The following CDH20 variants were observed in gnomAD, a reference collection of about 807,000 sequenced individuals.
CDH20 encodes the protein cadherin 20.
A neutral mutation model predicts 74.2 loss-of-function variants in CDH20; 29 were observed. The observed-to-expected ratio is 0.39, with a 90% CI of 0.29 to 0.53. The LOEUF is 0.53. CDH20 is among the 20% of genes least tolerant of loss of function. The probability of loss-of-function intolerance (pLI) is 0.69; values close to 1 mark genes in which losing one functional copy is unlikely to be tolerated. For missense variants in CDH20, 988 were observed against 1,048.3 expected (o/e 0.94, Z 0.79); for synonymous variants, 469 against 405.4 (o/e 1.16, Z -1.88).
At chr18:61,336,848 C>A (rs1469992981) in intron 1 of CDH20, among the ~76,000 whole-genome samples, 1 of 150,644 alleles carries the variant, frequency 6.6e-6, no homozygotes, top group African/African-American at 2.4e-5. Context: ...GGTCTTTTCA[C>A]CCTAAAAAAA....
chr18:61,455,458 G>T (rs1238164511), intron 1 of CDH20, among the ~76,000 whole-genome samples: 1 of 152,146 alleles, frequency 6.6e-6, no homozygotes, highest in Admixed American at 6.5e-5. Flanking sequence ...TTTTTAATAT[G>T]AATATGCAAA....
chr18:61,336,118 T>G (rs894597256), intron 1 of CDH20, among the ~76,000 whole-genome samples: 4 of 152,172 alleles, frequency 2.6e-5, no homozygotes, highest in African/African-American at 9.7e-5. Context: ...GTTCAGAGAC[T>G]GGAATCGGAA....
Position 61,529,713 on chromosome 18 carries a change from T to C in CDH20, c.1271+1493T>C, listed in dbSNP as rs544555011. ...ATATATGTATTAATCCACCATAGGC[T>C]AATTAATCTATTCCTGTAACAAAAG... On this transcript the variant is annotated intron_variant, in intron 7 of 11. Coordinates refer to ENST00000262717, the MANE Select transcript of CDH20 (RefSeq NM_031891.4). Among the ~76,000 whole-genome samples, 11 of 152,326 alleles carry C rather than the reference T, an allele frequency of 7.2e-5. No homozygotes were observed. The South Asian group carries it at 2.3e-3, about 32-fold the overall frequency.
chr18:61,545,167 A>G (rs1366613143), intron 10 of CDH20, 23 bp downstream of exon 10: 2 of 1,494,600 alleles, frequency 1.3e-6, no homozygotes, highest in South Asian at 1.1e-5. Context: ...ATGGTTGGCT[A>G]TCTGTGCTTT....
At chr18:61,520,070 A>G (rs1912141460) in intron 6 of CDH20, among the ~76,000 whole-genome samples, 1 of 150,628 alleles carries the variant, frequency 6.6e-6, no homozygotes, top group Non-Finnish European at 1.5e-5. Flanking sequence ...TAATCCCAGC[A>G]CTTTGGGAGG....
intron 1 of CDH20, among the ~76,000 whole-genome samples, chr18:61,411,936 C>T (rs1013598003): frequency 5.9e-5 from 9 of 151,808 alleles, no homozygotes; most frequent in African/African-American, 1.5e-4. Context: ...CAAAATCTCA[C>T]GAATCACCAC....
intron 1 of CDH20, among the ~76,000 whole-genome samples, chr18:61,449,336 G>A (rs985146009): frequency 3.9e-5 from 6 of 152,114 alleles, no homozygotes; most frequent in Admixed American, 1.3e-4. Context: ...CTATTCACCT[G>A]TAACTTGAAC....
chr18:61,380,907 G>A (rs982062384), intron 1 of CDH20, among the ~76,000 whole-genome samples: 6 of 152,064 alleles, frequency 3.9e-5, no homozygotes, highest in African/African-American at 1.2e-4. Context: ...TAATATAAAC[G>A]GCTTCTGATT....
chr18:61,507,860 T>C (rs1256542971), intron 6 of CDH20, among the ~76,000 whole-genome samples: 1 of 152,196 alleles, frequency 6.6e-6, no homozygotes, highest in Non-Finnish European at 1.5e-5. Flanking sequence ...AGCTTAACTT[T>C]CTAATGATGT....
intron 6 of CDH20, among the ~76,000 whole-genome samples, chr18:61,525,399 G>T (rs1912358938): frequency 6.6e-6 from 1 of 152,024 alleles, no homozygotes; most frequent in Non-Finnish European, 1.5e-5. Context: ...AATACATAAA[G>T]AATTTTAAGA....
At chr18:61,471,921 A>G (rs573560075) in intron 1 of CDH20, among the ~76,000 whole-genome samples, 15 of 152,124 alleles carry the variant, frequency 9.9e-5, no homozygotes, top group Non-Finnish European at 1.8e-4. Flanking sequence ...TAGCCTTCCC[A>G]TTATCTTTTG....
rs116760083 is a variant in CDH20 at position 61,542,941 on chromosome 18, C to T, written c.1531-2086C>T. Reference sequence around the variant, plus strand: ...TGCACCAAAACATTCATGAGGGATCCACCTGGATGACCCCAACACCTCCCA... The same window carrying T: ...TGCACCAAAACATTCATGAGGGATCTACCTGGATGACCCCAACACCTCCCA... On this transcript the variant is annotated intron_variant, in intron 9 of 11. Transcript: ENST00000262717. Among the ~76,000 whole-genome samples, 1,207 of 152,292 alleles carry T rather than the reference C, an allele frequency of 7.9e-3. 21 individuals carry two copies. The highest frequency in any genetic ancestry group is 0.027 in the African/African-American group (1,122 of 41,566).
chr18:61,522,006 C>A (rs1240754484), intron 6 of CDH20, among the ~76,000 whole-genome samples: 3 of 152,144 alleles, frequency 2.0e-5, no homozygotes, highest in African/African-American at 7.2e-5. Flanking sequence ...TGAAAACTGG[C>A]CCACGACAAG....
Position 61,337,252 on chromosome 18 carries a change from C to T in CDH20, c.-153+3425C>T, listed in dbSNP as rs963968157. 2.0e-5 allele frequency among the ~76,000 whole-genome samples: 3 copies of T among 152,332 alleles called. No homozygotes were observed. The South Asian group carries it at 6.2e-4, about 32-fold the overall frequency. On this transcript the variant is annotated intron_variant, in intron 1 of 11. Transcript: ENST00000262717. ...AATACCAGAGAGCTAAGACTCAGGG[C>T]TGCCACTTTTTATTCCCTCCACATT...
chr18:61,386,428 T>G (rs1911603147), intron 1 of CDH20, among the ~76,000 whole-genome samples: 1 of 152,202 alleles, frequency 6.6e-6, no homozygotes, highest in Non-Finnish European at 1.5e-5. Context: ...TGAATCTGCC[T>G]ATGATGTGAT....
chr18:61,472,408 C>G (rs1910214950), intron 1 of CDH20, among the ~76,000 whole-genome samples: 1 of 151,946 alleles, frequency 6.6e-6, no homozygotes, highest in Non-Finnish European at 1.5e-5. Context: ...ATCCCTGATT[C>G]TAATTTAAAG....
chr18:61,528,383 A>G (rs1912519642), intron 7 of CDH20, among the ~76,000 whole-genome samples, 163 bp downstream of exon 7: 1 of 148,428 alleles, frequency 6.7e-6, no homozygotes. Flanking sequence ...CCCTTAAATA[A>G]CATGGCCTTG....
intron 1 of CDH20, among the ~76,000 whole-genome samples, chr18:61,487,955 G>A (rs944904420): frequency 7.2e-5 from 11 of 152,048 alleles, no homozygotes; most frequent in African/African-American, 2.4e-4. Context: ...GCATGCACAG[G>A]CACTCTTAGA....
At chr18:61,427,427 C>T (rs1009282749) in intron 1 of CDH20, among the ~76,000 whole-genome samples, 1 of 152,212 alleles carries the variant, frequency 6.6e-6, no homozygotes, top group East Asian at 1.9e-4. Flanking sequence ...ATGATTCCCA[C>T]CTTGATAGCC....
Sources: allele counts gnomAD v4.1 joint callset (sites outside exome capture counted in the v4.1 genomes callset), GRCh38; gene constraint gnomAD v4.1.1; transcripts MANE v1.5; gene names NCBI Gene and HGNC (gene_info 2026-07-23, HGNC 2026-07-21).